MARCHF4: variants seen among roughly 807,000 people sequenced by gnomAD.
MARCHF4 encodes the protein E3 ubiquitin-protein ligase MARCHF4.
In MARCHF4, 14 loss-of-function variants were observed where a neutral mutation model predicts 43.9. The observed-to-expected ratio is 0.32, with a 90% CI of 0.21 to 0.50. MARCHF4 has a LOEUF of 0.50. Among genes scored for constraint, MARCHF4 ranks in the 20% least tolerant of loss-of-function variants. The pLI is 0.98. For synonymous variants in MARCHF4, 226 were observed against 213.3 expected, an observed-to-expected ratio of 1.06 and a Z score of -0.52; for missense variants, 468 against 536.7, an observed-to-expected ratio of 0.87 and a Z score of 1.27.
chr2:216,357,967 G>GTCCAAGGCAGAAATTT (rs1190442392), intron 1 of MARCHF4, among the ~76,000 whole-genome samples: 6 of 152,220 alleles, frequency 3.9e-5, no homozygotes, highest in Non-Finnish European at 7.3e-5. Flanking sequence ...ATCATACACA[G>GTCCAAGGCAGAAATTT]TCCAAGGCAG....
At chr2:216,341,837 G>A (rs1011466976) in intron 1 of MARCHF4, among the ~76,000 whole-genome samples, 1 of 152,256 alleles carries the variant, frequency 6.6e-6, no homozygotes, top group Middle Eastern at 3.4e-3. Flanking sequence ...TCCCAGGGAG[G>A]GACTGGAGCA....
intron 1 of MARCHF4, among the ~76,000 whole-genome samples, chr2:216,336,704 C>A (rs1193327654): frequency 7.7e-6 from 1 of 130,198 alleles, no homozygotes; most frequent in African/African-American, 2.8e-5. Context: ...TCACCCAAAA[C>A]CACTTCCTCC....
chr2:216,367,886 A>C (rs914792528), intron 1 of MARCHF4, among the ~76,000 whole-genome samples: 3 of 152,104 alleles, frequency 2.0e-5, no homozygotes, highest in Admixed American at 6.5e-5. Context: ...AATTCCTTCC[A>C]AGATATTTTT....
rs951519944 is a variant in MARCHF4 at position 216,371,814 on chromosome 2, G to C, written c.-1554C>G. 2 of 152,344 alleles carry C rather than the reference G, an allele frequency of 1.3e-5. No individual in the cohort carries two copies. Among genetic ancestry groups the C allele is most frequent in the African/African-American group, 4.8e-5 (2 of 41,452 alleles). 9.4% of individuals were successfully genotyped at this position (152,344 alleles called of 1,614,324 possible). A position where few individuals can be genotyped will look rare whatever the true frequency, so the allele number is the denominator to read the frequency against. ...GTGGGGGCGGAGGAGGGCGGCTGCC[G>C]GGTCTGCTCGGCAGCTCTGCCCCCG... On this transcript the variant is annotated 5_prime_UTR_variant, in exon 1 of 4. Transcript: ENST00000273067.
chr2:216,312,538 T>C (rs987982618), intron 1 of MARCHF4, among the ~76,000 whole-genome samples: 2 of 152,210 alleles, frequency 1.3e-5, no homozygotes, highest in Non-Finnish European at 2.9e-5. Context: ...TTTCTCCATA[T>C]CCATGCCATC....
chr2:216,291,199 T>C (rs1306380784), intron 1 of MARCHF4, among the ~76,000 whole-genome samples: 1 of 152,060 alleles, frequency 6.6e-6, no homozygotes, highest in Admixed American at 6.6e-5. Flanking sequence ...CTCAATGAGA[T>C]GGCAAGAGGA....
chr2:216,354,890 G>GTTTTC, intron 1 of MARCHF4, among the ~76,000 whole-genome samples: 1 of 124,066 alleles, frequency 8.1e-6, no homozygotes, highest in Non-Finnish European at 1.8e-5. Flanking sequence ...TTTAATAATT[G>GTTTTC]TTTTCTTTCT....
intron 3 of MARCHF4, among the ~76,000 whole-genome samples, chr2:216,276,331 G>A (rs572158559): frequency 2.0e-5 from 3 of 147,474 alleles, no homozygotes; most frequent in Non-Finnish European, 4.4e-5. Flanking sequence ...TTTGGTGGGA[G>A]GGGGAAAGAA....
chr2:216,313,408 T>C (rs1691721642), intron 1 of MARCHF4, among the ~76,000 whole-genome samples: 1 of 152,234 alleles, frequency 6.6e-6, no homozygotes, highest in Admixed American at 6.5e-5. Flanking sequence ...GTAAAATTGA[T>C]TCTTTTACTA....
rs1215911038 is a variant in MARCHF4 at position 216,320,674 on chromosome 2, TC to T, written c.517-36946del. ...TTCTTTCTTTCTTTCTTTCTTTCTTTCTTTTTTTTTTTTTGAGATGGAGTCC... is the reference window on the plus strand; with the variant it reads ...TTCTTTCTTTCTTTCTTTCTTTCTTTTTTTTTTTTTTTTGAGATGGAGTCC... On this transcript the variant is annotated intron_variant, in intron 1 of 3. Coordinates refer to ENST00000273067, the MANE Select transcript of MARCHF4 (RefSeq NM_020814.3). 2.4e-3 allele frequency among the ~76,000 whole-genome samples: 227 copies of T among 95,748 alleles called. 2 individuals carry two copies. The highest frequency in any genetic ancestry group is 0.011 in the African/African-American group (197 of 18,246). The allele number at this position is 95,748 out of a possible 152,430, so 62.8% of individuals were successfully genotyped here. A position where few individuals can be genotyped will look rare whatever the true frequency, so the allele number is the denominator to read the frequency against.
At position 216,369,795 on chromosome 2, in the gene MARCHF4, T is replaced by A. The variant is rs1451088010; in HGVS notation, c.466A>T (p.Ser156Cys). The change falls in exon 1 of 4, where the codon AGT becomes TGT. Residue 156 changes from serine (S) to cysteine (C), a missense_variant. By Grantham distance (112) the Ser-to-Cys change is moderately radical (BLOSUM62 -1). This residue lies in a region of MARCHF4 where 158 missense variants were observed against 251.1 expected (regional missense o/e 0.63). Transcript: ENST00000273067. The part of the protein sequence containing the change: ...DRYSLGSSLD[S>C]GMRTPLCRIC... ...CGGCAGAGTGGGGTCCTCATACCACTGTCCAAGCTGCTGCCCAGTGAGTAG... is the reference window on the plus strand; with the variant it reads ...CGGCAGAGTGGGGTCCTCATACCACAGTCCAAGCTGCTGCCCAGTGAGTAG... 6.2e-7 allele frequency: 1 copy of A among 1,612,348 alleles called. No individual in the cohort carries two copies. The highest frequency in any genetic ancestry group is 8.5e-7 in the Non-Finnish European group (1 of 1,179,066).
intron 1 of MARCHF4, among the ~76,000 whole-genome samples, chr2:216,330,812 C>T (rs1022328283): frequency 8.6e-5 from 13 of 151,824 alleles, no homozygotes; most frequent in Admixed American, 3.3e-4. Flanking sequence ...TAAAATATGA[C>T]AAATCAAAAA....
At chr2:216,266,540 C>T (rs1312685694) in intron 3 of MARCHF4, among the ~76,000 whole-genome samples, 1 of 152,196 alleles carries the variant, frequency 6.6e-6, no homozygotes, top group Non-Finnish European at 1.5e-5. Flanking sequence ...GTAAAAAGCA[C>T]TCTAGAGACC....
At chr2:216,266,782 G>T (rs763341614) in intron 3 of MARCHF4, among the ~76,000 whole-genome samples, 5 of 152,152 alleles carry the variant, frequency 3.3e-5, no homozygotes, top group Non-Finnish European at 7.3e-5. Flanking sequence ...GAATATAACC[G>T]GCTATTTTGG....
At position 216,370,580 on chromosome 2, in the gene MARCHF4, T is replaced by A. The variant is rs1692743880; in HGVS notation, c.-320A>T. On this transcript the variant is annotated 5_prime_UTR_variant, in exon 1 of 4. Coordinates refer to ENST00000273067, the MANE Select transcript of MARCHF4 (RefSeq NM_020814.3). Reference sequence around the variant, plus strand: ...GAGGACACTGGTAGGAGCAGAGGGATTGAAGAAGCGTGGTGGAGGGGCCAC... The same window carrying A: ...GAGGACACTGGTAGGAGCAGAGGGAATGAAGAAGCGTGGTGGAGGGGCCAC... 1 of 269,380 alleles carries A rather than the reference T, an allele frequency of 3.7e-6. No individual in the cohort carries two copies. The highest frequency in any genetic ancestry group is 2.2e-5 in the African/African-American group (1 of 45,372). 16.7% of individuals were successfully genotyped at this position (269,380 alleles called of 1,614,324 possible).
intron 3 of MARCHF4, among the ~76,000 whole-genome samples, chr2:216,274,067 T>G (rs1047039549): frequency 2.0e-5 from 3 of 152,254 alleles, no homozygotes; most frequent in Non-Finnish European, 2.9e-5. Context: ...TGGGGATGCC[T>G]GCTGGGAGCC....
intron 3 of MARCHF4, among the ~76,000 whole-genome samples, chr2:216,276,471 A>G (rs1038031667): frequency 2.4e-4 from 36 of 152,308 alleles, no homozygotes; most frequent in Admixed American, 3.9e-4. Context: ...TGGTTTAGCT[A>G]ATGTGGAGAG....
chr2:216,370,117 G>A lies in MARCHF4; in HGVS notation c.144C>T (p.Asp48=), dbSNP rs932719973. The part of the protein sequence containing the change: ...LKCRCRMLFN[D]LKVFLLRRPP... ...GGCGCCGCAGTAAGAAAACCTTCAG[G>A]TCATTGAAGAGCATGCGGCAGCGGC... The change falls in exon 1 of 4, where the codon GAC becomes GAT. Residue 48 remains aspartate (D), a synonymous_variant. Transcript: ENST00000273067. 1.2e-6 allele frequency: 2 copies of A among 1,602,076 alleles called. No individual in the cohort carries two copies. Among genetic ancestry groups the A allele is most frequent in the Admixed American group, 1.7e-5 (1 of 57,992 alleles).
chr2:216,335,167 C>T (rs928517894), intron 1 of MARCHF4, among the ~76,000 whole-genome samples: 4 of 152,180 alleles, frequency 2.6e-5, no homozygotes, highest in African/African-American at 9.7e-5. Context: ...GATACAGATT[C>T]GCTATAAATA....
Sources: allele counts gnomAD v4.1 joint callset (sites outside exome capture counted in the v4.1 genomes callset), GRCh38; gene constraint gnomAD v4.1.1; regional missense constraint gnomAD v4.1.1; transcripts MANE v1.5; gene names NCBI Gene and HGNC (gene_info 2026-07-23, HGNC 2026-07-21).